SLC9A9: variants seen among roughly 807,000 people sequenced by gnomAD.
SLC9A9 encodes solute carrier family 9 member A9.
A neutral mutation model predicts 77.8 loss-of-function variants in SLC9A9; 62 were observed. The ratio of observed to expected loss-of-function variants is 0.80; its 90% CI spans 0.65 to 0.98. The LOEUF is 0.98. Ranked by LOEUF, SLC9A9 falls within the 50% of genes least tolerant of loss-of-function variation. The pLI is 0.00. For missense variants in SLC9A9, 775 were observed against 774.9 expected, an observed-to-expected ratio of 1.00 and a Z score of 0.00; for synonymous variants, 320 against 283.5, an observed-to-expected ratio of 1.13 and a Z score of -1.29.
chr3:143,623,826 G>A (rs551525526), intron 6 of SLC9A9, among the ~76,000 whole-genome samples: 3 of 152,248 alleles, frequency 2.0e-5, no homozygotes, highest in African/African-American at 7.2e-5. Context: ...GAATCCAGGA[G>A]CTAGTTTTTT....
At chr3:143,523,354 C>T (rs984534282) in intron 9 of SLC9A9, among the ~76,000 whole-genome samples, 6 of 152,048 alleles carry the variant, frequency 3.9e-5, no homozygotes, top group Non-Finnish European at 7.4e-5. Context: ...TTTTACAATA[C>T]TCCAAGACCC....
At chr3:143,499,569 A>C (rs928868021) in intron 9 of SLC9A9, among the ~76,000 whole-genome samples, 4 of 152,110 alleles carry the variant, frequency 2.6e-5, no homozygotes, top group African/African-American at 9.7e-5. Context: ...TGTTGCTTTC[A>C]AATAAGGATA....
chr3:143,334,696 C>A (rs2031872069), intron 14 of SLC9A9, among the ~76,000 whole-genome samples: 1 of 152,072 alleles, frequency 6.6e-6, no homozygotes, highest in Admixed American at 6.6e-5. Flanking sequence ...ATAAAGTGAC[C>A]TGAGTCATTT....
At chr3:143,450,603 T>TGG (rs1553756344) in intron 12 of SLC9A9, among the ~76,000 whole-genome samples, 7 of 151,754 alleles carry the variant, frequency 4.6e-5, no homozygotes, top group Non-Finnish European at 7.4e-5. Context: ...ATGCCTCCTA[T>TGG]TTAATGAAAA....
At chr3:143,307,211 T>A (rs1308315029) in intron 14 of SLC9A9, among the ~76,000 whole-genome samples, 2 of 152,200 alleles carry the variant, frequency 1.3e-5, no homozygotes, top group Non-Finnish European at 2.9e-5. Context: ...ATGGGGGCAA[T>A]GTTTATACCA....
At chr3:143,401,371 C>T (rs2033856727) in intron 12 of SLC9A9, among the ~76,000 whole-genome samples, 1 of 152,140 alleles carries the variant, frequency 6.6e-6, no homozygotes, top group Admixed American at 6.6e-5. Context: ...CTGCACTATT[C>T]CTTGTTTTCT....
At chr3:143,457,981 C>A (rs1403379908) in intron 12 of SLC9A9, among the ~76,000 whole-genome samples, 1 of 151,980 alleles carries the variant, frequency 6.6e-6, no homozygotes, top group Non-Finnish European at 1.5e-5. Context: ...TCTTCTGTAC[C>A]CTTGCAGATT....
At chr3:143,675,602 A>G (rs924595834) in intron 5 of SLC9A9, among the ~76,000 whole-genome samples, 12 of 152,198 alleles carry the variant, frequency 7.9e-5, no homozygotes, top group Non-Finnish European at 1.8e-4. Context: ...ATGAGAAGTC[A>G]TTGATTTTCA....
intron 9 of SLC9A9, among the ~76,000 whole-genome samples, chr3:143,509,826 T>C (rs1054778994): frequency 1.3e-5 from 2 of 152,240 alleles, no homozygotes; most frequent in Non-Finnish European, 2.9e-5. Context: ...ACTATAGATA[T>C]GTGCTAGAAG....
chr3:143,487,287 A>G (rs1453182182), intron 11 of SLC9A9, among the ~76,000 whole-genome samples: 1 of 152,008 alleles, frequency 6.6e-6, no homozygotes, highest in African/African-American at 2.4e-5. Context: ...GGAAAAACTG[A>G]CAAAATTTAA....
chr3:143,578,560 C>G (rs769751446), intron 7 of SLC9A9, 25 bp downstream of exon 7: 3 of 1,613,706 alleles, frequency 1.9e-6, no homozygotes, highest in East Asian at 2.2e-5. Flanking sequence ...ACAGTCCCAG[C>G]TTTCCACATA....
chr3:143,591,342 G>A (rs371207202), intron 6 of SLC9A9, among the ~76,000 whole-genome samples: 2 of 152,242 alleles, frequency 1.3e-5, no homozygotes, highest in East Asian at 3.8e-4. Flanking sequence ...TTTCACAAAG[G>A]TAGTTGCCTC....
chr3:143,810,793 TC>T (rs2008844542), intron 2 of SLC9A9, among the ~76,000 whole-genome samples: 1 of 152,194 alleles, frequency 6.6e-6, no homozygotes, highest in Non-Finnish European at 1.5e-5. Context: ...TTAACAACCC[TC>T]TTTTTGCTGC....
intron 4 of SLC9A9, among the ~76,000 whole-genome samples, chr3:143,791,811 C>T (rs2008234053): frequency 6.6e-6 from 1 of 152,156 alleles, no homozygotes; most frequent in Non-Finnish European, 1.5e-5. Context: ...TCAGGCCATC[C>T]CTTAAAAATG....
intron 7 of SLC9A9, among the ~76,000 whole-genome samples, chr3:143,576,015 A>C (rs2037352429): frequency 6.6e-6 from 1 of 152,196 alleles, no homozygotes; most frequent in African/African-American, 2.4e-5. Flanking sequence ...ATGCAATCTT[A>C]TGCCAGACTT....
At chr3:143,846,106 A>T (rs943520003) in intron 1 of SLC9A9, among the ~76,000 whole-genome samples, 3 of 152,206 alleles carry the variant, frequency 2.0e-5, no homozygotes, top group Non-Finnish European at 2.9e-5. Context: ...AATTTTTCAG[A>T]TTCAAAAGTA....
intron 4 of SLC9A9, among the ~76,000 whole-genome samples, chr3:143,765,001 T>TCC (rs201641772): frequency 0.02 from 2,795 of 143,320 alleles, 85 homozygotes; most frequent in African/African-American, 0.079. Context: ...CTTCCTTCCT[T>TCC]TCTTTCTTTC....
At chr3:143,442,488 G>C (rs576503040) in intron 12 of SLC9A9, among the ~76,000 whole-genome samples, 14 of 152,322 alleles carry the variant, frequency 9.2e-5, no homozygotes, top group African/African-American at 3.4e-4. Flanking sequence ...TTGGGAGGCT[G>C]AGGCGGGTAG....
intron 5 of SLC9A9, among the ~76,000 whole-genome samples, chr3:143,672,839 A>G (rs1040506887): frequency 6.6e-6 from 1 of 152,232 alleles, no homozygotes; most frequent in African/African-American, 2.4e-5. Context: ...TTTAAAAAAT[A>G]TGCTGTGCTT....
Sources: gnomAD v4.1 joint callset for allele counts (sites outside exome capture counted in the v4.1 genomes callset) on GRCh38, gnomAD v4.1.1 for gene constraint, MANE v1.5 for transcripts, NCBI Gene and HGNC (gene_info 2026-07-23, HGNC 2026-07-21) for gene names.